Variants in RNF125 observed in about 807,000 individuals in gnomAD.
RNF125 encodes the protein E3 ubiquitin-protein ligase RNF125.
In RNF125, 21 loss-of-function variants were observed where a neutral mutation model predicts 26.0. That is an observed-to-expected ratio of 0.81 (90% CI 0.57 to 1.16). The LOEUF (loss-of-function observed/expected upper bound fraction) is 1.16, where lower values mean the gene tolerates loss of function less well. Ranked by LOEUF, RNF125 falls within the 50% of genes most tolerant of loss-of-function variation. The pLI is 0.00. For missense variants in RNF125, 270 were observed against 299.4 expected (o/e 0.90, Z 0.72); for synonymous variants, 95 against 109.2 (o/e 0.87, Z 0.81).
chr18:32,062,928 T>C (rs1035991424), intron 4 of RNF125, among the ~76,000 whole-genome samples: 5 of 151,998 alleles, frequency 3.3e-5, no homozygotes, highest in Admixed American at 2.6e-4. Flanking sequence ...CTTTAAAAAA[T>C]GAATACATGG....
At chr18:32,066,475 A>G (rs1213787081) in intron 5 of RNF125, among the ~76,000 whole-genome samples, 1 of 151,852 alleles carries the variant, frequency 6.6e-6, no homozygotes, top group African/African-American at 2.4e-5. Flanking sequence ...AAAAAAAATG[A>G]AATGCAATTT....
intron 5 of RNF125, among the ~76,000 whole-genome samples, chr18:32,066,458 C>CA (rs34052446): frequency 0.028 from 3,202 of 115,210 alleles, 65 homozygotes; most frequent in African/African-American, 0.073. Flanking sequence ...GACTTTGTCT[C>CA]AAAAAAAAAA....
chr18:32,026,238 C>T (rs370854187), intron 1 of RNF125, among the ~76,000 whole-genome samples: 4 of 136,728 alleles, frequency 2.9e-5, no homozygotes, highest in African/African-American at 1.2e-4. Context: ...TCTGAGCACC[C>T]GGTCTTTTTT....
rs761068907 is a variant in RNF125 at position 32,018,941 on chromosome 18, G to A, written c.78G>A (p.Arg26=). 5 of 1,613,366 alleles carry A rather than the reference G, an allele frequency of 3.1e-6. No individual in the cohort carries two copies. The highest frequency in any genetic ancestry group is 1.7e-5 in the Admixed American group (1 of 59,940). The change falls in exon 1 of 6, where the codon AGG becomes AGA. Residue 26 remains arginine, a synonymous_variant. Coordinates refer to ENST00000217740, the MANE Select transcript of RNF125 (RefSeq NM_017831.4). ...SATARALERR[R]DPELPVTSFD... Reference sequence around the variant, plus strand: ...CCGCGCGGGCCCTGGAGCGCAGGAGGGACCCGGAGTTGCCCGTCACGTCCT... The same window carrying A: ...CCGCGCGGGCCCTGGAGCGCAGGAGAGACCCGGAGTTGCCCGTCACGTCCT...
intron 4 of RNF125, among the ~76,000 whole-genome samples, chr18:32,048,951 C>T (rs1363249925): frequency 6.6e-6 from 1 of 152,216 alleles, no homozygotes; most frequent in Non-Finnish European, 1.5e-5. Flanking sequence ...CCTAGCAACT[C>T]TGTGAAGAAG....
chr18:32,047,285 A>G (rs1316233707), intron 4 of RNF125, among the ~76,000 whole-genome samples: 1 of 152,150 alleles, frequency 6.6e-6, no homozygotes, highest in Non-Finnish European at 1.5e-5. Context: ...TGGTTCGCCC[A>G]CGTCGGCCTC....
At chr18:32,038,420 A>G (rs1157647868) in intron 2 of RNF125, among the ~76,000 whole-genome samples, 2 of 152,174 alleles carry the variant, frequency 1.3e-5, no homozygotes, top group Admixed American at 6.5e-5. Context: ...TAATTTGTCA[A>G]ACAAATGCTT....
chr18:32,079,028 A>G, the RNF125 span, among the ~76,000 whole-genome samples: 1 of 152,198 alleles, frequency 6.6e-6, no homozygotes, highest in Non-Finnish European at 1.5e-5. Flanking sequence ...CTTTGTTTAT[A>G]TATCTGAGAT....
chr18:32,068,349 C>A lies in RNF125; in HGVS notation c.664C>A (p.Leu222Ile). ...TATCCGAAGAGTCTTAGACCGGTCACTTCTTGAATATGTGAATCACTCGAA... is the reference window on the plus strand; with the variant it reads ...TATCCGAAGAGTCTTAGACCGGTCAATTCTTGAATATGTGAATCACTCGAA... ...ALIRRVLDRSLLEYVNHSNTT is the reference protein window; with the variant it reads ...ALIRRVLDRSILEYVNHSNTT The change falls in exon 6 of 6, where the codon CTT becomes ATT. Residue 222 changes from leucine to isoleucine, a missense_variant. Physicochemically the swap from Leu to Ile is conservative, Grantham distance 5. Coordinates refer to ENST00000217740, the MANE Select transcript of RNF125 (RefSeq NM_017831.4). 1 of 1,600,664 alleles carries A rather than the reference C, an allele frequency of 6.2e-7. No individual in the cohort carries two copies. The highest frequency in any genetic ancestry group is 1.1e-5 in the South Asian group (1 of 90,768).
chr18:32,043,872 C>A (rs2039242837), intron 3 of RNF125, among the ~76,000 whole-genome samples: 1 of 152,038 alleles, frequency 6.6e-6, no homozygotes, highest in Non-Finnish European at 1.5e-5. Flanking sequence ...AGAGTTTGTC[C>A]AGAGTACAAG....
intron 4 of RNF125, among the ~76,000 whole-genome samples, chr18:32,065,294 A>AT (rs2039473806): frequency 6.6e-6 from 1 of 152,020 alleles, no homozygotes; most frequent in South Asian, 2.1e-4. Flanking sequence ...CTGGTGTGCA[A>AT]TGGCAAGATC....
intron 4 of RNF125, among the ~76,000 whole-genome samples, chr18:32,051,579 C>T (rs560619271): frequency 1.5e-5 from 2 of 136,914 alleles, no homozygotes; most frequent in Non-Finnish European, 1.5e-5. Context: ...CATGCCATTG[C>T]ACTCCAGCCT....
intron 4 of RNF125, among the ~76,000 whole-genome samples, chr18:32,056,445 C>G (rs1043298122): frequency 6.6e-6 from 1 of 151,854 alleles, no homozygotes; most frequent in African/African-American, 2.4e-5. Flanking sequence ...AACCACCCCC[C>G]ATGTCTACTA....
chr18:32,046,013 A>G (rs1286622324), intron 4 of RNF125, among the ~76,000 whole-genome samples: 1 of 151,892 alleles, frequency 6.6e-6, no homozygotes, highest in East Asian at 1.9e-4. Context: ...TTAAGATCTA[A>G]GTTTACCAGC....
At chr18:32,064,552 A>C (rs2039467097) in intron 4 of RNF125, among the ~76,000 whole-genome samples, 1 of 141,800 alleles carries the variant, frequency 7.1e-6, no homozygotes, top group African/African-American at 2.5e-5. Context: ...CAAGTTTCCA[A>C]ACTATATCAC....
At chr18:32,067,557 A>T (rs1453474575) in intron 5 of RNF125, among the ~76,000 whole-genome samples, 1 of 152,230 alleles carries the variant, frequency 6.6e-6, no homozygotes, top group Non-Finnish European at 1.5e-5. Flanking sequence ...AACTTCCGTG[A>T]AGTGAATACT....
the RNF125 span, among the ~76,000 whole-genome samples, chr18:32,084,368 A>G: frequency 6.6e-6 from 1 of 152,176 alleles, no homozygotes; most frequent in African/African-American, 2.4e-5. Context: ...ACAAACAAAC[A>G]AACAAACAAA....
At chr18:32,078,642 A>C in the RNF125 span, among the ~76,000 whole-genome samples, 4 of 150,128 alleles carry the variant, frequency 2.7e-5, no homozygotes, top group Non-Finnish European at 4.4e-5. Context: ...CAAATCTCTA[A>C]AAAAAAAAGA....
chr18:32,074,012 A>C (rs150758388), downstream of RNF125, among the ~76,000 whole-genome samples: 29 of 152,352 alleles, frequency 1.9e-4, no homozygotes, highest in African/African-American at 7.0e-4. Flanking sequence ...TTGCCACCAA[A>C]ATAGCCATGT....
Sources: gnomAD v4.1 joint callset for allele counts (sites outside exome capture counted in the v4.1 genomes callset) on GRCh38, gnomAD v4.1.1 for gene constraint, MANE v1.5 for transcripts, NCBI Gene and HGNC (gene_info 2026-07-23, HGNC 2026-07-21) for gene names.